Variants in LPAR3 observed in about 807,000 individuals in gnomAD.
LPAR3 encodes LPA receptor 3.
In LPAR3, 7 loss-of-function variants were observed where a neutral mutation model predicts 17.8. The observed-to-expected ratio is 0.39, with a 90% CI of 0.22 to 0.74. The LOEUF (loss-of-function observed/expected upper bound fraction) is 0.74. Ranked by LOEUF, LPAR3 falls within the 30% of genes least tolerant of loss-of-function variation. LPAR3 has a pLI of 0.40. For synonymous variants in LPAR3, 179 were observed against 179.9 expected (o/e 0.99, Z 0.04); for missense variants, 391 against 453.4 (o/e 0.86, Z 1.25).
At chr1:84,835,419 C>A (rs1659376960) in intron 2 of LPAR3, among the ~76,000 whole-genome samples, 2 of 152,156 alleles carry the variant, frequency 1.3e-5, no homozygotes, top group Admixed American at 6.6e-5. Flanking sequence ...GAAGGTCTTA[C>A]TCATCTTTGT....
At chr1:84,844,011 A>T (rs1249549759) in intron 2 of LPAR3, among the ~76,000 whole-genome samples, 1 of 152,162 alleles carries the variant, frequency 6.6e-6, no homozygotes, top group South Asian at 2.1e-4. Context: ...GGTCTTAACA[A>T]TTCTTGACAT....
At chr1:84,885,184 A>G (rs1660435173) in intron 1 of LPAR3, among the ~76,000 whole-genome samples, 1 of 152,186 alleles carries the variant, frequency 6.6e-6, no homozygotes, top group African/African-American at 2.4e-5. Context: ...ACACGCTACA[A>G]TGCACAGGCC....
intron 1 of LPAR3, among the ~76,000 whole-genome samples, chr1:84,892,748 G>A (rs1660576148): frequency 6.6e-6 from 1 of 152,246 alleles, no homozygotes; most frequent in Non-Finnish European, 1.5e-5. Context: ...GCCCTCAGCA[G>A]CGGACGCAAC....
intron 2 of LPAR3, among the ~76,000 whole-genome samples, chr1:84,839,727 T>C (rs531187996): frequency 5.7e-4 from 87 of 152,228 alleles, no homozygotes; most frequent in African/African-American, 1.9e-3. Context: ...CTGTGCAATA[T>C]GATGCAAGGG....
chr1:84,838,908 C>A (rs141575141), intron 2 of LPAR3, among the ~76,000 whole-genome samples: 1,805 of 152,306 alleles, frequency 0.012, 36 homozygotes, highest in African/African-American at 0.041. Context: ...TGCCATCTTT[C>A]ATTTCCGGGC....
At chr1:84,832,989 A>AT (rs1311248796) in intron 2 of LPAR3, among the ~76,000 whole-genome samples, 1 of 152,230 alleles carries the variant, frequency 6.6e-6, no homozygotes, top group Non-Finnish European at 1.5e-5. Context: ...GTAAATTGTT[A>AT]ATCAGTGAAG....
intron 2 of LPAR3, among the ~76,000 whole-genome samples, chr1:84,845,377 C>T (rs928453403): frequency 1.3e-5 from 2 of 152,208 alleles, no homozygotes; most frequent in Admixed American, 1.3e-4. Context: ...GTAGAGAAAA[C>T]GAATTTCTTT....
chr1:84,890,244 T>A (rs1351379551), intron 1 of LPAR3, among the ~76,000 whole-genome samples: 7 of 92,070 alleles, frequency 7.6e-5, no homozygotes, highest in Non-Finnish European at 6.5e-5. Context: ...AAAAGGCCCA[T>A]GGCCAGGAAA....
chr1:84,820,411 C>T (rs10493755), intron 2 of LPAR3, among the ~76,000 whole-genome samples: 11,390 of 152,222 alleles, frequency 0.075, 539 homozygotes, highest in Middle Eastern at 0.17. Context: ...CTGGACCTGA[C>T]GACTCTAACT....
chr1:84,862,937 A>T (rs940648401), intron 2 of LPAR3, among the ~76,000 whole-genome samples: 1 of 152,198 alleles, frequency 6.6e-6, no homozygotes, highest in Admixed American at 6.5e-5. Context: ...TCTACCTGTA[A>T]CCCAGAATTA....
At chr1:84,887,214 C>CA (rs554500915) in intron 1 of LPAR3, among the ~76,000 whole-genome samples, 40,156 of 137,272 alleles carry the variant, frequency 0.29, 5,567 homozygotes, top group East Asian at 0.46. Context: ...ACAAAAAATA[C>CA]AAAAAAAAAA....
chr1:84,813,894 T>TA lies in LPAR3; in HGVS notation c.1013dup (p.Glu339ArgfsTer3). On this transcript the variant is annotated frameshift_variant, in exon 3 of 3. Transcript: ENST00000370611. LOFTEE classifies it high-confidence loss of function. ...CTGCACCTTGGCTAATACTATCCTC[T>TA]ATGTACTGGCTGCCTGTGTCACTCC... 1 of 1,614,180 alleles carries TA rather than the reference T, an allele frequency of 6.2e-7. No homozygotes were observed. The highest frequency in any genetic ancestry group is 8.5e-7 in the Non-Finnish European group (1 of 1,180,018).
chr1:84,877,354 T>A lies in LPAR3; in HGVS notation c.-18-11216A>T, dbSNP rs1222531164. 3.9e-5 allele frequency among the ~76,000 whole-genome samples: 6 copies of A among 152,162 alleles called. No homozygotes were observed. In the East Asian group the frequency reaches 1.2e-3, roughly 29 times the overall value. On this transcript the variant is annotated intron_variant, in intron 1 of 2. Coordinates refer to ENST00000370611, the MANE Select transcript of LPAR3 (RefSeq NM_012152.3). ...ATGGGGGATGCTGGGTAAGTGTTGC[T>A]CTCAGAAAAGCTCTCTTGCCTGCAG...
chr1:84,891,384 G>A (rs1323125854), intron 1 of LPAR3, among the ~76,000 whole-genome samples: 1 of 152,226 alleles, frequency 6.6e-6, no homozygotes, highest in Non-Finnish European at 1.5e-5. Context: ...GTTCCTTGCT[G>A]TCTCAAGGCA....
chr1:84,848,752 C>T (rs1373586454), intron 2 of LPAR3, among the ~76,000 whole-genome samples: 1 of 152,176 alleles, frequency 6.6e-6, no homozygotes, highest in East Asian at 1.9e-4. Context: ...GTCACCTCAG[C>T]ATCTTCACTA....
intron 2 of LPAR3, among the ~76,000 whole-genome samples, chr1:84,863,584 C>T (rs1194794079): frequency 6.6e-6 from 1 of 152,044 alleles, no homozygotes; most frequent in South Asian, 2.1e-4. Flanking sequence ...ATCCTTGGTC[C>T]TCCTCTCCTT....
At position 84,867,344 on chromosome 1, in the gene LPAR3, AG is replaced by A. The variant is rs1159587103; in HGVS notation, c.-18-1207del. On this transcript the variant is annotated intron_variant, in intron 1 of 2. Coordinates refer to ENST00000370611, the MANE Select transcript of LPAR3 (RefSeq NM_012152.3). ...ACCATCTGCTCCCTCACTGAGAATGAGGCTGCAGCTTATTCCCTGGAGAACC... is the reference window on the plus strand; with the variant it reads ...ACCATCTGCTCCCTCACTGAGAATGAGCTGCAGCTTATTCCCTGGAGAACC... 9.2e-5 allele frequency among the ~76,000 whole-genome samples: 14 copies of A among 152,286 alleles called. No individual in the cohort carries two copies. In the East Asian group the frequency reaches 2.5e-3, roughly 27 times the overall value.
chr1:84,833,109 C>A (rs1302255961), intron 2 of LPAR3, among the ~76,000 whole-genome samples: 1 of 152,156 alleles, frequency 6.6e-6, no homozygotes, highest in Non-Finnish European at 1.5e-5. Context: ...AGAAATCAAA[C>A]ACCCTAAGTT....
intron 2 of LPAR3, among the ~76,000 whole-genome samples, chr1:84,840,486 T>C (rs1227180457): frequency 1.3e-5 from 2 of 152,218 alleles, no homozygotes; most frequent in Non-Finnish European, 2.9e-5. Context: ...GGCAGATGAA[T>C]GAGTTGGCTC....
Sources: gnomAD v4.1 joint callset for allele counts (sites outside exome capture counted in the v4.1 genomes callset) on GRCh38, gnomAD v4.1.1 for gene constraint, MANE v1.5 for transcripts, NCBI Gene and HGNC (gene_info 2026-07-23, HGNC 2026-07-21) for gene names.